OPCML: variants seen among roughly 807,000 people sequenced by gnomAD.
OPCML encodes the protein opioid binding protein/cell adhesion molecule like.
In OPCML, 13 loss-of-function variants were observed where a neutral mutation model predicts 37.8. That is an observed-to-expected ratio of 0.34 (90% CI 0.22 to 0.55). The LOEUF is 0.55. Among genes scored for constraint, OPCML ranks in the 20% least tolerant of loss-of-function variants. OPCML has a pLI of 0.91. For synonymous variants in OPCML, 176 were observed against 168.8 expected (o/e 1.04, Z -0.33); for missense variants, 341 against 435.6 (o/e 0.78, Z 1.93).
chr11:132,543,930 T>C (rs76308685), intron 3 of OPCML, among the ~76,000 whole-genome samples: 2,315 of 152,254 alleles, frequency 0.015, 54 homozygotes, highest in African/African-American at 0.048. Context: ...CTGGAGAGTC[T>C]GGAAATGAGG....
At chr11:132,456,387 C>T (rs747137862) in intron 4 of OPCML, among the ~76,000 whole-genome samples, 3 of 152,062 alleles carry the variant, frequency 2.0e-5, no homozygotes, top group Non-Finnish European at 2.9e-5. Context: ...GAGGTCACAC[C>T]GGGCAGGAAA....
At chr11:133,487,386 A>G (rs1947552823) in intron 1 of OPCML, among the ~76,000 whole-genome samples, 1 of 152,088 alleles carries the variant, frequency 6.6e-6, no homozygotes, top group East Asian at 1.9e-4. Context: ...CCCTCTGTCT[A>G]AAATGCTCTT....
intron 1 of OPCML, among the ~76,000 whole-genome samples, chr11:133,412,018 A>G (rs1425824591): frequency 6.6e-6 from 1 of 152,140 alleles, no homozygotes; most frequent in Non-Finnish European, 1.5e-5. Context: ...TCCATTTACC[A>G]TGGTGGTAAT....
chr11:132,974,835 C>T (rs1441976516), intron 1 of OPCML, among the ~76,000 whole-genome samples: 1 of 151,764 alleles, frequency 6.6e-6, no homozygotes, highest in African/African-American at 2.4e-5. Context: ...AGCCTGTTTT[C>T]TCTTTGTTTT....
At chr11:132,479,319 G>A (rs181642102) in intron 4 of OPCML, among the ~76,000 whole-genome samples, 9 of 152,314 alleles carry the variant, frequency 5.9e-5, no homozygotes, top group Non-Finnish European at 1.3e-4. Flanking sequence ...TTTCCGACGG[G>A]CTTAAAAAAC....
chr11:133,084,236 ACCTTGGCAGTTCTCCAAAG>A (rs141593989), intron 1 of OPCML, among the ~76,000 whole-genome samples: 2,199 of 152,246 alleles, frequency 0.014, 39 homozygotes, highest in African/African-American at 0.044. Context: ...CAGCATTCAT[ACCTTGGCAGTTCTCCAAAG>A]CCCACCCCCC....
At position 133,309,127 on chromosome 11, in the gene OPCML, G is replaced by T. The variant is rs536911157; in HGVS notation, c.61+223137C>A. Among the ~76,000 whole-genome samples, 6 of 152,238 alleles carry T rather than the reference G, an allele frequency of 3.9e-5. No homozygotes were observed. The East Asian group carries it at 1.2e-3, about 29-fold the overall frequency. ...ACCACTGATGAATACTCAAAAAAAT[G>T]GGCAGAAGTTTAAGCAGAAACAAGA... On this transcript the variant is annotated intron_variant, in intron 1 of 7. Coordinates refer to ENST00000524381, the MANE Select transcript of OPCML (RefSeq NM_001012393.5).
intron 1 of OPCML, among the ~76,000 whole-genome samples, chr11:133,138,179 C>A (rs1251827881): frequency 6.6e-6 from 1 of 152,042 alleles, no homozygotes; most frequent in East Asian, 1.9e-4. Flanking sequence ...CATGTTTGGT[C>A]TCTTTGCACA....
At chr11:133,023,786 G>T (rs1947497211) in intron 1 of OPCML, among the ~76,000 whole-genome samples, 1 of 152,220 alleles carries the variant, frequency 6.6e-6, no homozygotes, top group Non-Finnish European at 1.5e-5. Flanking sequence ...CAAAAAGCCT[G>T]CCTGAGTCTA....
intron 2 of OPCML, among the ~76,000 whole-genome samples, chr11:132,720,613 T>C (rs535464030): frequency 6.6e-6 from 1 of 152,342 alleles, no homozygotes; most frequent in East Asian, 1.9e-4. Context: ...ATTTCTCTAA[T>C]TGGCTCGCTA....
chr11:132,494,505 G>A (rs1348618009), intron 4 of OPCML, among the ~76,000 whole-genome samples: 1 of 151,794 alleles, frequency 6.6e-6, no homozygotes, highest in Admixed American at 6.6e-5. Context: ...TTTCCTTCCT[G>A]CCTCTTTCCA....
chr11:132,425,781 G>A (rs1592155104), intron 7 of OPCML, among the ~76,000 whole-genome samples: 1 of 152,210 alleles, frequency 6.6e-6, no homozygotes, highest in Non-Finnish European at 1.5e-5. Flanking sequence ...GCCTGAAGTG[G>A]CTGCTAACCA....
intron 1 of OPCML, among the ~76,000 whole-genome samples, chr11:133,082,295 C>T (rs1054175228): frequency 6.6e-6 from 1 of 151,464 alleles, no homozygotes; most frequent in Non-Finnish European, 1.5e-5. Context: ...CTTGGGTAGG[C>T]GAGCCGGGCT....
intron 1 of OPCML, among the ~76,000 whole-genome samples, chr11:133,415,852 C>T (rs573117855): frequency 1.2e-4 from 19 of 152,240 alleles, no homozygotes; most frequent in Middle Eastern, 6.8e-3. Flanking sequence ...GTCCATAGCA[C>T]GGACAGGACA....
intron 3 of OPCML, among the ~76,000 whole-genome samples, chr11:132,631,466 C>A (rs1940117184): frequency 6.8e-6 from 1 of 147,066 alleles, no homozygotes; most frequent in Non-Finnish European, 1.5e-5. Context: ...ATATATATTT[C>A]TTTATTTTTT....
intron 2 of OPCML, among the ~76,000 whole-genome samples, chr11:132,825,240 A>G (rs1043354371): frequency 1.3e-5 from 2 of 152,158 alleles, no homozygotes; most frequent in African/African-American, 2.4e-5. Context: ...TGTTTATTAC[A>G]TGGATGAATA....
chr11:133,264,564 G>A (rs574281941), intron 1 of OPCML, among the ~76,000 whole-genome samples: 1 of 152,124 alleles, frequency 6.6e-6, no homozygotes, highest in Admixed American at 6.5e-5. Context: ...TGCGGTGAAT[G>A]CACACTTACC....
chr11:133,193,435 G>A (rs1158017293), intron 1 of OPCML, among the ~76,000 whole-genome samples: 1 of 152,150 alleles, frequency 6.6e-6, no homozygotes, highest in Non-Finnish European at 1.5e-5. Flanking sequence ...CAAGAAGTAG[G>A]AGGTAATTCC....
chr11:132,496,945 C>T (rs1313331903), intron 4 of OPCML, among the ~76,000 whole-genome samples: 1 of 152,184 alleles, frequency 6.6e-6, no homozygotes, highest in Non-Finnish European at 1.5e-5. Context: ...CTTATATGCA[C>T]TGCTTAATTT....
Sources: allele counts gnomAD v4.1 joint callset (sites outside exome capture counted in the v4.1 genomes callset), GRCh38; gene constraint gnomAD v4.1.1; transcripts MANE v1.5; gene names NCBI Gene and HGNC (gene_info 2026-07-23, HGNC 2026-07-21).